DSCAM: variants seen among roughly 807,000 people sequenced by gnomAD.
The protein encoded by DSCAM is DS cell adhesion molecule.
A neutral mutation model predicts 217.7 loss-of-function variants in DSCAM; 47 were observed. The observed-to-expected ratio is 0.22, with a 90% CI of 0.17 to 0.28. The LOEUF is 0.28. Among genes scored for constraint, DSCAM ranks in the 10% least tolerant of loss-of-function variants. DSCAM has a pLI of 1.00. For synonymous variants in DSCAM, 1,056 were observed against 1,015.3 expected (o/e 1.04, Z -0.76); for missense variants, 2,080 against 2,618.3 (o/e 0.79, Z 4.49).
intron 8 of DSCAM, among the ~76,000 whole-genome samples, chr21:40,337,840 T>TC (rs1307082603): frequency 1.3e-5 from 2 of 152,240 alleles, no homozygotes; most frequent in African/African-American, 4.8e-5. Flanking sequence ...TCCTTTTTTT[T>TC]CTGTTGTATT....
At chr21:40,031,304 A>G (rs966922043) in intron 32 of DSCAM, among the ~76,000 whole-genome samples, 3 of 142,190 alleles carry the variant, frequency 2.1e-5, no homozygotes, top group South Asian at 2.1e-4. Flanking sequence ...TTCCAGCTCT[A>G]CAGATGACAA....
chr21:40,295,864 A>G (rs538322237), intron 10 of DSCAM, among the ~76,000 whole-genome samples, 191 bp downstream of exon 10: 9 of 152,254 alleles, frequency 5.9e-5, no homozygotes, highest in Non-Finnish European at 1.5e-5. Flanking sequence ...TACAACAGAC[A>G]CGTTGTGTGT....
intron 1 of DSCAM, among the ~76,000 whole-genome samples, chr21:40,714,115 C>G (rs548258412): frequency 1.3e-5 from 2 of 152,156 alleles, no homozygotes; most frequent in Non-Finnish European, 2.9e-5. Flanking sequence ...TCAAAGACTT[C>G]CCAGAAAGCC....
chr21:40,623,918 A>G (rs2146304847), intron 3 of DSCAM, among the ~76,000 whole-genome samples: 1 of 152,346 alleles, frequency 6.6e-6, no homozygotes, highest in Non-Finnish European at 1.5e-5. Flanking sequence ...TTGATTTTAT[A>G]GCCCAAGGGA....
At chr21:40,831,878 C>T (rs933459629) in intron 1 of DSCAM, among the ~76,000 whole-genome samples, 2 of 152,248 alleles carry the variant, frequency 1.3e-5, no homozygotes, top group East Asian at 1.9e-4. Flanking sequence ...TTTTAAAAAC[C>T]GATCTTTCAC....
intron 3 of DSCAM, among the ~76,000 whole-genome samples, chr21:40,625,703 C>T (rs900701003): frequency 2.0e-5 from 3 of 152,192 alleles, no homozygotes; most frequent in African/African-American, 7.2e-5. Flanking sequence ...ACCACGACAG[C>T]TTATTCTCTA....
chr21:40,637,116 TATATATATATATAAATATATAA>T lies in DSCAM; in HGVS notation c.508+55672_508+55693del, dbSNP rs2041195800. Among the ~76,000 whole-genome samples the T allele has an allele frequency of 9.1e-5, 4 of 43,876 alleles. 1 individual carries two copies. The highest frequency in any genetic ancestry group is 7.3e-4 in the South Asian group (1 of 1,362). 28.8% of individuals were successfully genotyped at this position (43,876 alleles called of 152,430 possible). A position where few individuals can be genotyped will look rare whatever the true frequency, so the allele number is the denominator to read the frequency against. ...AGGAGGCCCTTCTCATTCATATATATATATATATATATAAATATATAAATATATATATAAATATATATAAATA... is the reference window on the plus strand; with the variant it reads ...AGGAGGCCCTTCTCATTCATATATATATATATATATAAATATATATAAATA... On this transcript the variant is annotated intron_variant, in intron 3 of 32. Coordinates refer to ENST00000400454, the MANE Select transcript of DSCAM (RefSeq NM_001389.5).
chr21:40,211,962 GC>G (rs1362460975), intron 11 of DSCAM, among the ~76,000 whole-genome samples: 2 of 150,454 alleles, frequency 1.3e-5, no homozygotes, highest in African/African-American at 4.9e-5. Flanking sequence ...AAATTCTGAA[GC>G]TTTTTTTTTT....
chr21:40,527,660 T>C (rs73902666), intron 3 of DSCAM, among the ~76,000 whole-genome samples: 16 of 152,320 alleles, frequency 1.1e-4, no homozygotes, highest in Admixed American at 5.9e-4. Flanking sequence ...ACTAGACAAA[T>C]AGCCATTGTT....
intron 1 of DSCAM, among the ~76,000 whole-genome samples, chr21:40,788,711 C>T (rs2091614202): frequency 2.0e-5 from 3 of 152,186 alleles, no homozygotes; most frequent in African/African-American, 7.2e-5. Context: ...GAGAATGTTC[C>T]ATGTGAACTT....
At chr21:40,724,174 G>A (rs1454218961) in intron 1 of DSCAM, among the ~76,000 whole-genome samples, 2 of 152,110 alleles carry the variant, frequency 1.3e-5, no homozygotes, top group African/African-American at 4.8e-5. Context: ...ACTACGTTCC[G>A]GCATTTACAT....
At chr21:40,430,833 G>A (rs961704755) in intron 3 of DSCAM, among the ~76,000 whole-genome samples, 2 of 152,194 alleles carry the variant, frequency 1.3e-5, no homozygotes, top group South Asian at 2.1e-4. Flanking sequence ...GATACCGTGT[G>A]CGACGCACTT....
At chr21:40,679,976 G>A (rs1341155349) in intron 3 of DSCAM, among the ~76,000 whole-genome samples, 1 of 151,956 alleles carries the variant, frequency 6.6e-6, no homozygotes, top group East Asian at 1.9e-4. Flanking sequence ...TCTGGTTTCT[G>A]GGATACAAAC....
intron 1 of DSCAM, among the ~76,000 whole-genome samples, chr21:40,770,508 A>G (rs1417823996): frequency 6.6e-6 from 1 of 152,186 alleles, no homozygotes; most frequent in Non-Finnish European, 1.5e-5. Flanking sequence ...AGTTTTTTCC[A>G]TGGAAAAAGA....
At chr21:40,551,144 T>C (rs1042425859) in intron 3 of DSCAM, among the ~76,000 whole-genome samples, 12 of 152,202 alleles carry the variant, frequency 7.9e-5, no homozygotes, top group African/African-American at 2.9e-4. Context: ...CCTCAAGAAG[T>C]CCTGAGTACA....
At chr21:40,120,744 C>T (rs2090024050) in intron 20 of DSCAM, among the ~76,000 whole-genome samples, 3 of 152,182 alleles carry the variant, frequency 2.0e-5, no homozygotes, top group East Asian at 1.9e-4. Flanking sequence ...CTTTAGACAA[C>T]CTGTTTGTAG....
chr21:40,536,459 T>C (rs1251573434), intron 3 of DSCAM, among the ~76,000 whole-genome samples: 3 of 149,856 alleles, frequency 2.0e-5, no homozygotes, highest in Non-Finnish European at 3.0e-5. Context: ...TGGAGTGCAG[T>C]GGCGCCATCT....
intron 11 of DSCAM, among the ~76,000 whole-genome samples, chr21:40,273,630 G>A (rs529375273): frequency 2.7e-4 from 41 of 152,270 alleles, no homozygotes; most frequent in Admixed American, 8.5e-4. Context: ...GCAGCTTTTC[G>A]TTCCGTAGTT....
chr21:40,388,598 T>G (rs2075107309), intron 3 of DSCAM, among the ~76,000 whole-genome samples: 1 of 152,164 alleles, frequency 6.6e-6, no homozygotes, highest in African/African-American at 2.4e-5. Flanking sequence ...ATTACTCTAT[T>G]TAATCTTCAT....
Sources: gnomAD v4.1 joint callset for allele counts (sites outside exome capture counted in the v4.1 genomes callset) on GRCh38, gnomAD v4.1.1 for gene constraint, MANE v1.5 for transcripts, NCBI Gene and HGNC (gene_info 2026-07-23, HGNC 2026-07-21) for gene names.